Variants in RGS17 observed in about 807,000 individuals in gnomAD.
RGS17 encodes the protein regulator of G-protein signaling 17.
In RGS17, 12 loss-of-function variants were observed where a neutral mutation model predicts 25.5. The observed-to-expected ratio is 0.47, with a 90% CI of 0.30 to 0.76. The LOEUF (loss-of-function observed/expected upper bound fraction) is 0.76, where lower values mean the gene tolerates loss of function less well. RGS17 is among the 30% of genes least tolerant of loss of function. The pLI, the probability that RGS17 is intolerant of heterozygous loss-of-function variation, is 0.07. For missense variants in RGS17, 196 were observed against 242.2 expected (o/e 0.81, Z 1.27); for synonymous variants, 71 against 76.9 (o/e 0.92, Z 0.40).
chr6:153,087,865 C>T (rs1326022270), intron 1 of RGS17, among the ~76,000 whole-genome samples: 3 of 152,192 alleles, frequency 2.0e-5, no homozygotes. Context: ...CCATAATGAT[C>T]CCTGCCTTCA....
chr6:153,099,435 T>C (rs899206794), intron 1 of RGS17, among the ~76,000 whole-genome samples: 1 of 152,230 alleles, frequency 6.6e-6, no homozygotes, highest in African/African-American at 2.4e-5. Context: ...TACCCTGACT[T>C]AACTTGAATT....
chr6:153,004,988 C>T lies in RGS17; in HGVS notation c.*6586G>A, dbSNP rs1435944070. 6.6e-6 allele frequency: 1 copy of T among 152,058 alleles called. No individual in the cohort carries two copies. Among genetic ancestry groups the T allele is most frequent in the Non-Finnish European group, 1.5e-5 (1 of 67,994 alleles). The allele number at this position is 152,058 out of a possible 1,614,324, so 9.4% of individuals were successfully genotyped here. A position where few individuals can be genotyped will look rare whatever the true frequency, so the allele number is the denominator to read the frequency against. On this transcript the variant is annotated 3_prime_UTR_variant, in exon 5 of 5. Transcript: ENST00000206262. ...CATTCGATATGTAATTTTACAAAAC[C>T]AAACACATTGAATTCTTTTTAATAT...
intron 2 of RGS17, among the ~76,000 whole-genome samples, chr6:153,026,879 C>T (rs1174804564): frequency 6.6e-6 from 1 of 152,102 alleles, no homozygotes. Context: ...TATACACACA[C>T]ACACATATGA....
At chr6:153,075,169 T>C (rs893295289) in intron 1 of RGS17, among the ~76,000 whole-genome samples, 1 of 152,330 alleles carries the variant, frequency 6.6e-6, no homozygotes, top group Non-Finnish European at 1.5e-5. Flanking sequence ...CTGAAACTTT[T>C]GTTTAAACTT....
At position 153,006,212 on chromosome 6, in the gene RGS17, C is replaced by T. The variant is rs1779072647; in HGVS notation, c.*5362G>A. The stretch of plus-strand genomic sequence containing the variant: ...AAAATTGTTAAAGAAAATCATACCA[C>T]CTTAATATTAAAAAGAGTGTTTTCT... On this transcript the variant is annotated 3_prime_UTR_variant, in exon 5 of 5. Coordinates refer to ENST00000206262, the MANE Select transcript of RGS17 (RefSeq NM_012419.5). 6.6e-6 allele frequency: 1 copy of T among 152,032 alleles called. No homozygotes were observed. The highest frequency in any genetic ancestry group is 6.5e-5 in the Admixed American group (1 of 15,276). The allele number at this position is 152,032 out of a possible 1,614,324, so 9.4% of individuals were successfully genotyped here. A position where few individuals can be genotyped will look rare whatever the true frequency, so the allele number is the denominator to read the frequency against.
rs1377638727 is a variant in RGS17 at position 153,006,250 on chromosome 6, C to T, written c.*5324G>A. On this transcript the variant is annotated 3_prime_UTR_variant, in exon 5 of 5. Coordinates refer to ENST00000206262, the MANE Select transcript of RGS17 (RefSeq NM_012419.5). ...AAGAGTGTTTTCTAATTGTCAATCTCTTATAACTTAGTCTTAGCCCTATAA... is the reference window on the plus strand; with the variant it reads ...AAGAGTGTTTTCTAATTGTCAATCTTTTATAACTTAGTCTTAGCCCTATAA... 1.3e-5 allele frequency: 2 copies of T among 152,150 alleles called. No individual in the cohort carries two copies. Among genetic ancestry groups the T allele is most frequent in the Non-Finnish European group, 2.9e-5 (2 of 68,008 alleles). 9.4% of individuals were successfully genotyped at this position (152,150 alleles called of 1,614,324 possible). A position where few individuals can be genotyped will look rare whatever the true frequency, so the allele number is the denominator to read the frequency against.
chr6:153,115,019 C>T (rs1427984193), intron 1 of RGS17, among the ~76,000 whole-genome samples: 2 of 152,114 alleles, frequency 1.3e-5, no homozygotes, highest in Non-Finnish European at 2.9e-5. Context: ...AAAACTGGCA[C>T]AAGACAAGGA....
intron 1 of RGS17, among the ~76,000 whole-genome samples, chr6:153,088,912 C>T (rs76830946): frequency 4.0e-4 from 56 of 139,654 alleles, no homozygotes; most frequent in East Asian, 2.5e-3. Flanking sequence ...TGCAGCTGTC[C>T]GCAGATTATT....
At chr6:153,111,215 C>A (rs2129125403) in intron 1 of RGS17, among the ~76,000 whole-genome samples, 1 of 152,324 alleles carries the variant, frequency 6.6e-6, no homozygotes, top group East Asian at 1.9e-4. Context: ...GCTGCCGGCA[C>A]AGCAGTCTGA....
chr6:153,011,104 T>C lies in RGS17; in HGVS notation c.*470A>G, dbSNP rs1408634045. On this transcript the variant is annotated 3_prime_UTR_variant, in exon 5 of 5. Coordinates refer to ENST00000206262, the MANE Select transcript of RGS17 (RefSeq NM_012419.5). ...ACCATTGTTACATAGTAAAAATTGC[T>C]TTTTTTCTGTCTTAGATTATGTTAA... The C allele has an allele frequency of 6.5e-6, 1 of 154,692 alleles. No homozygotes were observed. Among genetic ancestry groups the C allele is most frequent in the Admixed American group, 6.5e-5 (1 of 15,364 alleles). 9.6% of individuals were successfully genotyped at this position (154,692 alleles called of 1,614,324 possible).
At chr6:153,079,144 T>A (rs9479499) in intron 1 of RGS17, among the ~76,000 whole-genome samples, 79,203 of 151,696 alleles carry the variant, frequency 0.52, 21,117 homozygotes, top group Non-Finnish European at 0.57. Context: ...AGTGGTCCAA[T>A]GTGGCTCACT....
chr6:153,056,794 G>C (rs1205563677), intron 1 of RGS17, among the ~76,000 whole-genome samples: 2 of 150,552 alleles, frequency 1.3e-5, no homozygotes, highest in African/African-American at 4.9e-5. Context: ...CTTTTGTTTA[G>C]ATATTGTTTT....
At position 153,013,223 on chromosome 6, in the gene RGS17, A is replaced by G. The variant is rs548246756; in HGVS notation, c.445-1461T>C. 6.6e-5 allele frequency among the ~76,000 whole-genome samples: 10 copies of G among 152,196 alleles called. No homozygotes were observed. In the South Asian group the frequency reaches 1.7e-3, roughly 25 times the overall value. On this transcript the variant is annotated intron_variant, in intron 4 of 4. Coordinates refer to ENST00000206262, the MANE Select transcript of RGS17 (RefSeq NM_012419.5). The stretch of plus-strand genomic sequence containing the variant: ...GTTCCCATAATATTTCACAATTTTC[A>G]TCATTATTATATATTTTAAGGTGAT...
At chr6:153,109,452 TTA>T (rs1235984284) in intron 1 of RGS17, among the ~76,000 whole-genome samples, 2 of 152,184 alleles carry the variant, frequency 1.3e-5, no homozygotes, top group Non-Finnish European at 2.9e-5. Context: ...ATCTAACAAA[TTA>T]TAGTCAGGAA....
intron 1 of RGS17, among the ~76,000 whole-genome samples, chr6:153,096,109 G>A (rs1777204594): frequency 6.6e-6 from 1 of 152,178 alleles, no homozygotes; most frequent in Admixed American, 6.5e-5. Context: ...CGTGCTACTG[G>A]AACTCAGAGG....
intron 1 of RGS17, among the ~76,000 whole-genome samples, chr6:153,124,508 T>C (rs1300896904): frequency 6.6e-6 from 1 of 152,242 alleles, no homozygotes; most frequent in Non-Finnish European, 1.5e-5. Flanking sequence ...TTATTAAGTC[T>C]AATACAATAC....
chr6:153,053,220 T>G (rs1403796192), intron 1 of RGS17, among the ~76,000 whole-genome samples: 1 of 152,224 alleles, frequency 6.6e-6, no homozygotes, highest in Non-Finnish European at 1.5e-5. Flanking sequence ...AACTTAGATC[T>G]ATATGAATCA....
At chr6:153,017,694 GTTAT>G (rs1779198679) in intron 4 of RGS17, among the ~76,000 whole-genome samples, 2 of 152,070 alleles carry the variant, frequency 1.3e-5, no homozygotes, top group Admixed American at 6.6e-5. Flanking sequence ...CTTTCTTTAT[GTTAT>G]TTAATTCCCT....
At chr6:153,107,860 A>G (rs1241553795) in intron 1 of RGS17, among the ~76,000 whole-genome samples, 1 of 152,182 alleles carries the variant, frequency 6.6e-6, no homozygotes, top group Non-Finnish European at 1.5e-5. Context: ...CTTAGCAGCA[A>G]TCAAATCCCT....
Sources: gnomAD v4.1 joint callset for allele counts (sites outside exome capture counted in the v4.1 genomes callset) on GRCh38, gnomAD v4.1.1 for gene constraint, MANE v1.5 for transcripts, NCBI Gene and HGNC (gene_info 2026-07-23, HGNC 2026-07-21) for gene names.